Variants in LMO7 observed in about 807,000 individuals in gnomAD.
LMO7 encodes LIM domain 7.
LMO7 carries 120 observed loss-of-function variants against 206.5 expected under a neutral mutation model. That is an observed-to-expected ratio of 0.58 (90% confidence interval 0.50 to 0.68). The LOEUF is 0.68. Among genes scored for constraint, LMO7 ranks in the 30% least tolerant of loss-of-function variants. The pLI is 0.00. For missense variants in LMO7, 1,959 were observed against 1,957.9 expected, an observed-to-expected ratio of 1.00 and a Z score of -0.01; for synonymous variants, 706 against 681.5, an observed-to-expected ratio of 1.04 and a Z score of -0.56.
intron 1 of LMO7, among the ~76,000 whole-genome samples, chr13:75,697,375 T>C (rs1469110810): frequency 6.6e-6 from 1 of 152,036 alleles, no homozygotes; most frequent in Non-Finnish European, 1.5e-5. Flanking sequence ...TGGTGGAAGA[T>C]GAAGGATGAG....
In LMO7 at chr13:75,641,225, C is replaced by G. The variant is rs1196082961; in HGVS notation, c.69+4499C>G. Among the ~76,000 whole-genome samples the G allele has an allele frequency of 3.3e-5, 5 of 152,188 alleles. No individual in the cohort carries two copies. In the East Asian group the frequency reaches 9.6e-4, roughly 29 times the overall value. The stretch of plus-strand genomic sequence containing the variant: ...CAGGGCAAGCACACAGAGAAGGCAG[C>G]ATTTGAGCCGAGGCTGCAGTGGGGT... On this transcript the variant is annotated intron_variant, in intron 1 of 30. Coordinates refer to ENST00000377534, the MANE Select transcript of LMO7 (RefSeq NM_001306080.2).
chr13:75,643,940 C>T (rs1006412), intron 1 of LMO7, among the ~76,000 whole-genome samples: 44,618 of 151,934 alleles, frequency 0.29, 6,731 homozygotes, highest in Middle Eastern at 0.34. Context: ...GCACCTGACC[C>T]TCTGTCTGTC....
intron 3 of LMO7, among the ~76,000 whole-genome samples, chr13:75,748,085 G>C (rs2046996092): frequency 6.6e-6 from 1 of 152,168 alleles, no homozygotes; most frequent in Non-Finnish European, 1.5e-5. Flanking sequence ...AGGGTTATGA[G>C]CCAAGGAATG....
intron 28 of LMO7, among the ~76,000 whole-genome samples, chr13:75,854,623 C>T (rs1404127306): frequency 6.6e-6 from 1 of 152,060 alleles, no homozygotes; most frequent in Non-Finnish European, 1.5e-5. Context: ...GGAGAAAAGA[C>T]CTGTATACAA....
chr13:75,673,534 C>A (rs946989121), intron 1 of LMO7, among the ~76,000 whole-genome samples: 26 of 152,208 alleles, frequency 1.7e-4, no homozygotes, highest in African/African-American at 4.8e-4. Context: ...CCTGAGGCAA[C>A]AAAGCATGCA....
intron 4 of LMO7, among the ~76,000 whole-genome samples, chr13:75,773,032 G>A (rs1372983759): frequency 1.3e-5 from 2 of 152,082 alleles, no homozygotes; most frequent in African/African-American, 4.8e-5. Context: ...TAATGAAAGT[G>A]GTGGGGATGT....
chr13:75,698,116 G>A (rs1029482287), intron 1 of LMO7, among the ~76,000 whole-genome samples: 1 of 152,068 alleles, frequency 6.6e-6, no homozygotes, highest in East Asian at 1.9e-4. Flanking sequence ...ACCTTGTCCT[G>A]TGGAATTATT....
chr13:75,755,394 G>A (rs146626418), intron 3 of LMO7, among the ~76,000 whole-genome samples: 11 of 151,954 alleles, frequency 7.2e-5, no homozygotes, highest in African/African-American at 9.7e-5. Context: ...CTTGTTTTCC[G>A]TATGCTATTC....
intron 3 of LMO7, among the ~76,000 whole-genome samples, chr13:75,734,729 ATTCC>A (rs1353400007): frequency 2.0e-5 from 3 of 152,324 alleles, no homozygotes; most frequent in South Asian, 2.1e-4. Context: ...TCAAATATTA[ATTCC>A]TTCCTTCCTA....
chr13:75,789,715 C>T (rs556232590), intron 4 of LMO7, among the ~76,000 whole-genome samples: 22 of 152,174 alleles, frequency 1.4e-4, no homozygotes, highest in South Asian at 1.0e-3. Context: ...CTGGGGAAGG[C>T]GGTGCTGGGT....
In LMO7 at chr13:75,732,523, C is replaced by T. The variant is rs978677352; in HGVS notation, c.210+5425C>T. On this transcript the variant is annotated intron_variant, in intron 3 of 30. Coordinates refer to ENST00000377534, the MANE Select transcript of LMO7 (RefSeq NM_001306080.2). ...GTATTGGTTATTCTAGTTATACATT[C>T]GTCTAAATTTTTTTCAAAGTTTTCA... Among the ~76,000 whole-genome samples the T allele has an allele frequency of 4.6e-5, 7 of 152,252 alleles. No individual in the cohort carries two copies. The East Asian group carries it at 5.8e-4, about 13-fold the overall frequency.
At chr13:75,833,555 T>G (rs1436155582) in intron 16 of LMO7, among the ~76,000 whole-genome samples, 1 of 152,134 alleles carries the variant, frequency 6.6e-6, no homozygotes, top group Admixed American at 6.6e-5. Flanking sequence ...AGTGTTCTAA[T>G]ATACCTATTG....
chr13:75,727,846 A>G (rs1328742305), intron 3 of LMO7, among the ~76,000 whole-genome samples: 1 of 149,146 alleles, frequency 6.7e-6, no homozygotes, highest in East Asian at 2.0e-4. Context: ...TCATTGTTCA[A>G]TTCCCACCTT....
Position 75,699,159 on chromosome 13 carries a change from C to A in LMO7, c.70-14023C>A, listed in dbSNP as rs545472753. Among the ~76,000 whole-genome samples the A allele has an allele frequency of 2.6e-5, 4 of 152,164 alleles. No homozygotes were observed. The East Asian group carries it at 7.7e-4, about 29-fold the overall frequency. ...AGTAGTGTTCCCTTATCAGGAAGTA[C>A]GTTTCCTGATACAAGGAATGTGTTC... On this transcript the variant is annotated intron_variant, in intron 1 of 30. Coordinates refer to ENST00000377534, the MANE Select transcript of LMO7 (RefSeq NM_001306080.2).
intron 3 of LMO7, among the ~76,000 whole-genome samples, chr13:75,753,863 C>G (rs1383652813): frequency 6.6e-6 from 1 of 152,110 alleles, no homozygotes; most frequent in Non-Finnish European, 1.5e-5. Flanking sequence ...ACTAATACAA[C>G]TAGACATTTA....
chr13:75,804,428 A>T lies in LMO7; in HGVS notation c.801A>T (p.Arg267Ser). ...PFNRFLPNKS[R>S]QPSYVPAPLR... ...ATCGTTTTTTACCCAACAAAAGTAG[A>T]CAGCCATCCTATGTACCAGCACCTC... The change falls in exon 8 of 31, where the codon AGA (arginine) becomes AGT (serine). Residue 267 changes from arginine to serine, a missense_variant. By Grantham distance (110) the Arg-to-Ser change is moderately radical. Transcript: ENST00000377534. 6.2e-7 allele frequency: 1 copy of T among 1,614,218 alleles called. No individual in the cohort carries two copies. The highest frequency in any genetic ancestry group is 8.5e-7 in the Non-Finnish European group (1 of 1,180,024).
intron 4 of LMO7, among the ~76,000 whole-genome samples, chr13:75,777,215 A>G (rs2050628399): frequency 6.6e-6 from 1 of 152,182 alleles, no homozygotes; most frequent in Non-Finnish European, 1.5e-5. Context: ...AACTGTCTAT[A>G]TGAATGGTAC....
chr13:75,636,521 G>A lies in LMO7; in HGVS notation c.-137G>A. The A allele has an allele frequency of 6.6e-7, 1 of 1,512,380 alleles. No individual in the cohort carries two copies. The highest frequency in any genetic ancestry group is 1.2e-5 in the South Asian group (1 of 81,016). 93.7% of individuals were successfully genotyped at this position (1,512,380 alleles called of 1,614,324 possible). ...GCGCAACAAAGGGAACTAGAGCCCCGGCGCCTTCGCAGCCGGAGCGGAAGC... is the reference window on the plus strand; with the variant it reads ...GCGCAACAAAGGGAACTAGAGCCCCAGCGCCTTCGCAGCCGGAGCGGAAGC... On this transcript the variant is annotated 5_prime_UTR_variant, in exon 1 of 31. Transcript: ENST00000377534.
At chr13:75,792,088 C>T (rs891815115) in intron 4 of LMO7, among the ~76,000 whole-genome samples, 5 of 152,074 alleles carry the variant, frequency 3.3e-5, no homozygotes, top group Admixed American at 6.5e-5. Flanking sequence ...CTGCCCTCAG[C>T]CTCCCAAGTA....
Sources: gnomAD v4.1 joint callset for allele counts (sites outside exome capture counted in the v4.1 genomes callset) on GRCh38, gnomAD v4.1.1 for gene constraint, MANE v1.5 for transcripts, NCBI Gene and HGNC (gene_info 2026-07-23, HGNC 2026-07-21) for gene names.